ROBO2: variants seen among roughly 807,000 people sequenced by gnomAD.
ROBO2 encodes roundabout homolog 2.
In ROBO2, 53 loss-of-function variants were observed where a neutral mutation model predicts 160.8. That is an observed-to-expected ratio of 0.33 (90% CI 0.26 to 0.41). The LOEUF is 0.41. ROBO2 is among the 10% of genes least tolerant of loss of function. The pLI is 1.00. For synonymous variants in ROBO2, 664 were observed against 611.7 expected, an observed-to-expected ratio of 1.09 and a Z score of -1.26; for missense variants, 1,577 against 1,722.4, an observed-to-expected ratio of 0.92 and a Z score of 1.49.
At chr3:77,292,677 T>A (rs1335243192) in intron 2 of ROBO2, among the ~76,000 whole-genome samples, 2 of 148,338 alleles carry the variant, frequency 1.3e-5, no homozygotes, top group Non-Finnish European at 3.0e-5. Context: ...AAATTGACGG[T>A]TAAACGGGTA....
At chr3:75,981,015 T>C (rs1389108865) in intron 2 of ROBO2, among the ~76,000 whole-genome samples, 1 of 151,624 alleles carries the variant, frequency 6.6e-6, no homozygotes, top group African/African-American at 2.4e-5. Flanking sequence ...AGATGGTTAA[T>C]ACTTTTTATA....
At chr3:77,604,035 C>T (rs937730423) in intron 20 of ROBO2, 1 of 152,102 alleles carries the variant, frequency 6.6e-6, no homozygotes, top group Non-Finnish European at 1.5e-5. Flanking sequence ...CTTTTTACAT[C>T]ATTAGGGTAA....
intron 2 of ROBO2, among the ~76,000 whole-genome samples, chr3:76,556,231 T>A (rs551429793): frequency 6.6e-6 from 1 of 152,204 alleles, no homozygotes; most frequent in Non-Finnish European, 1.5e-5. Flanking sequence ...TTCTAAGCTG[T>A]ATATATGTAT....
intron 2 of ROBO2, among the ~76,000 whole-genome samples, chr3:76,428,876 C>T (rs1005839039): frequency 1.3e-5 from 2 of 152,114 alleles, no homozygotes; most frequent in South Asian, 2.1e-4. Flanking sequence ...TCTTCACGGT[C>T]GTGGGACTGA....
intron 2 of ROBO2, among the ~76,000 whole-genome samples, chr3:76,150,070 ATCTG>A (rs1407014903): frequency 1.1e-4 from 10 of 90,726 alleles, no homozygotes; most frequent in African/African-American, 3.5e-4. Flanking sequence ...TAAAACACTC[ATCTG>A]TCTAAAACAC....
chr3:77,451,548 C>A (rs2081108615), intron 2 of ROBO2, among the ~76,000 whole-genome samples: 1 of 151,946 alleles, frequency 6.6e-6, no homozygotes, highest in African/African-American at 2.4e-5. Context: ...TCAGTGCTTG[C>A]CCAAAGTGCA....
chr3:76,124,038 G>T (rs2070862095), intron 2 of ROBO2, among the ~76,000 whole-genome samples: 1 of 151,838 alleles, frequency 6.6e-6, no homozygotes, highest in Non-Finnish European at 1.5e-5. Context: ...TTCTTAACGA[G>T]GTTTATCTTA....
At position 76,719,084 on chromosome 3, in the gene ROBO2, G is replaced by A. The variant is rs1304055355; in HGVS notation, c.110-378930G>A. On this transcript the variant is annotated intron_variant, in intron 2 of 26. Coordinates refer to the ROBO2 transcript ENST00000487694. ...TGTAGCACCAAGAAATTCTACTGTG[G>A]CCCTATTTTGTTAATTTTAGAGATA... Among the ~76,000 whole-genome samples, 8 of 151,972 alleles carry A rather than the reference G, an allele frequency of 5.3e-5. 1 individual carries two copies. Among genetic ancestry groups the A allele is most frequent in the African/African-American group, 1.9e-4 (8 of 41,448 alleles).
At chr3:77,014,064 A>C (rs2062078519) in intron 2 of ROBO2, among the ~76,000 whole-genome samples, 1 of 149,208 alleles carries the variant, frequency 6.7e-6, no homozygotes, top group South Asian at 2.1e-4. Flanking sequence ...TACATTCGCC[A>C]CACTAATTTA....
At chr3:77,493,421 A>G (rs2086386643) in intron 5 of ROBO2, 39 bp downstream of exon 5, 6 of 1,608,220 alleles carry the variant, frequency 3.7e-6, no homozygotes, top group Middle Eastern at 1.6e-4. Flanking sequence ...TTAGATAACC[A>G]ATGAATAATT....
chr3:77,388,119 T>C (rs1003985164), intron 2 of ROBO2, among the ~76,000 whole-genome samples: 1 of 150,132 alleles, frequency 6.7e-6, no homozygotes, highest in Non-Finnish European at 1.5e-5. Flanking sequence ...CAATCCAAAC[T>C]CCATTCTCAT....
chr3:76,120,793 A>G (rs919431061), intron 2 of ROBO2, among the ~76,000 whole-genome samples: 6 of 152,186 alleles, frequency 3.9e-5, no homozygotes, highest in Admixed American at 1.3e-4. Context: ...TATCTTGTTC[A>G]TATGAACCCC....
chr3:76,395,869 T>C (rs1487474756), intron 2 of ROBO2, among the ~76,000 whole-genome samples: 1 of 152,142 alleles, frequency 6.6e-6, no homozygotes, highest in Non-Finnish European at 1.5e-5. Context: ...CCAGATGGAT[T>C]CACAGCCGAA....
chr3:75,948,011 C>T (rs1183901388), intron 2 of ROBO2, among the ~76,000 whole-genome samples: 1 of 151,944 alleles, frequency 6.6e-6, no homozygotes. Flanking sequence ...GCTGTATGTG[C>T]ATCTAGGATG....
At chr3:77,454,123 T>C (rs1189011664) in intron 2 of ROBO2, among the ~76,000 whole-genome samples, 4 of 150,726 alleles carry the variant, frequency 2.7e-5, no homozygotes, top group African/African-American at 9.7e-5. Flanking sequence ...CTCTGGGCTT[T>C]TTTTTTTTTT....
intron 2 of ROBO2, among the ~76,000 whole-genome samples, chr3:76,965,827 A>AT (rs1485541411): frequency 3.9e-5 from 5 of 126,816 alleles, no homozygotes; most frequent in African/African-American, 1.6e-4. Flanking sequence ...AATATTAATT[A>AT]TTATTTTTGT....
intron 2 of ROBO2, among the ~76,000 whole-genome samples, chr3:75,996,808 CATCAATTCT>C: frequency 6.8e-6 from 1 of 147,940 alleles, no homozygotes; most frequent in South Asian, 2.1e-4. Flanking sequence ...ATATGTAAAT[CATCAATTCT>C]GATATTTGTA....
chr3:76,740,075 T>C lies in ROBO2; in HGVS notation c.110-357939T>C, dbSNP rs140959555. On this transcript the variant is annotated intron_variant, in intron 2 of 26. Transcript: ENST00000487694. ...AATAGCAGTACCATAAGGAAAATTA[T>C]TTTTAAGGAACAACTTTATCGTTAA... Among the ~76,000 whole-genome samples, 990 of 152,320 alleles carry C rather than the reference T, an allele frequency of 6.5e-3. 6 individuals carry two copies. The highest frequency in any genetic ancestry group is 0.024 in the Middle Eastern group (7 of 294).
chr3:76,851,733 C>T (rs1166960), intron 2 of ROBO2, among the ~76,000 whole-genome samples: 14,259 of 109,552 alleles, frequency 0.13, 1,104 homozygotes, highest in South Asian at 0.17. Context: ...CAGAGCGAGA[C>T]TCCGTCTCAA....
Sources: gnomAD v4.1 joint callset for allele counts (sites outside exome capture counted in the v4.1 genomes callset) on GRCh38, gnomAD v4.1.1 for gene constraint, MANE v1.5 for transcripts, NCBI Gene and HGNC (gene_info 2026-07-23, HGNC 2026-07-21) for gene names.